Variants in SLC25A21 observed in about 807,000 individuals in gnomAD.
The protein encoded by SLC25A21 is solute carrier family 25 member 21.
In SLC25A21, 47 loss-of-function variants were observed where a neutral mutation model predicts 43.8. That is an observed-to-expected ratio of 1.07 (90% CI 0.85 to 1.37). The LOEUF (loss-of-function observed/expected upper bound fraction) is 1.37. SLC25A21 is among the 40% of genes most tolerant of loss of function. The pLI is 0.00. For missense variants in SLC25A21, 352 were observed against 350.2 expected (o/e 1.00, Z -0.04); for synonymous variants, 131 against 121.3 (o/e 1.08, Z -0.52).
At chr14:36,823,987 A>G (rs182784711) in intron 2 of SLC25A21, among the ~76,000 whole-genome samples, 6 of 152,060 alleles carry the variant, frequency 3.9e-5, no homozygotes, top group Admixed American at 3.9e-4. Flanking sequence ...ATCTGCTAGA[A>G]CCCTCTCACT....
intron 2 of SLC25A21, among the ~76,000 whole-genome samples, chr14:36,846,216 A>G (rs1195587272): frequency 6.6e-6 from 1 of 152,198 alleles, no homozygotes; most frequent in Non-Finnish European, 1.5e-5. Flanking sequence ...GAAAGAATCT[A>G]TAATTCCTTA....
chr14:36,870,113 T>C (rs1273271941), intron 2 of SLC25A21, among the ~76,000 whole-genome samples: 2 of 152,186 alleles, frequency 1.3e-5, no homozygotes, highest in African/African-American at 4.8e-5. Context: ...GTACTCAAAA[T>C]AATGCAAACA....
At chr14:37,136,724 TG>T (rs5807933) in intron 1 of SLC25A21, among the ~76,000 whole-genome samples, 80,161 of 151,854 alleles carry the variant, frequency 0.53, 24,137 homozygotes, top group Non-Finnish European at 0.66. Context: ...ATTCAGCAAT[TG>T]AAAAAAAATG....
intron 2 of SLC25A21, among the ~76,000 whole-genome samples, chr14:36,842,616 T>C (rs1889419327): frequency 6.6e-6 from 1 of 152,196 alleles, no homozygotes; most frequent in Non-Finnish European, 1.5e-5. Context: ...AACAACAATT[T>C]CTAACTTATA....
chr14:37,070,500 C>T (rs1406312404), intron 1 of SLC25A21, among the ~76,000 whole-genome samples: 1 of 152,108 alleles, frequency 6.6e-6, no homozygotes, highest in African/African-American at 2.4e-5. Flanking sequence ...ATTCACATCC[C>T]CTTTCTCAGT....
At position 37,040,382 on chromosome 14, in the gene SLC25A21, A is replaced by G. The variant is rs61009777; in HGVS notation, c.70+131899T>C. Among the ~76,000 whole-genome samples the G allele has an allele frequency of 2.5e-3, 139 of 55,014 alleles. 15 individuals carry two copies. The highest frequency in any genetic ancestry group is 9.8e-3 in the African/African-American group (47 of 4,780). 36.1% of individuals were successfully genotyped at this position (55,014 alleles called of 152,430 possible). On this transcript the variant is annotated intron_variant, in intron 1 of 9. Transcript: ENST00000331299. ...GAAAGAGAGAGAGAGAGAGAAAGAA[A>G]GAAAGAAAGAAAGAAAGAAAGAAAG...
At chr14:37,164,510 G>C (rs886065127) in intron 1 of SLC25A21, among the ~76,000 whole-genome samples, 1 of 152,022 alleles carries the variant, frequency 6.6e-6, no homozygotes, top group Non-Finnish European at 1.5e-5. Flanking sequence ...CAAATCACAC[G>C]TGCATCCCCT....
At chr14:36,781,125 G>A (rs186346747) in intron 3 of SLC25A21, among the ~76,000 whole-genome samples, 175 of 152,174 alleles carry the variant, frequency 1.1e-3, no homozygotes, top group African/African-American at 2.5e-3. Flanking sequence ...TATTTTGCCT[G>A]TATAAGGATA....
chr14:37,076,128 T>C (rs1962275571), intron 1 of SLC25A21, among the ~76,000 whole-genome samples: 1 of 152,220 alleles, frequency 6.6e-6, no homozygotes, highest in Non-Finnish European at 1.5e-5. Flanking sequence ...AGTCTTCATA[T>C]GTAGAGGCCA....
At chr14:36,876,835 A>G (rs1452153835) in intron 1 of SLC25A21, among the ~76,000 whole-genome samples, 3 of 151,114 alleles carry the variant, frequency 2.0e-5, no homozygotes, top group Non-Finnish European at 4.4e-5. Flanking sequence ...TGAAATATGT[A>G]TATATATGAA....
intron 1 of SLC25A21, among the ~76,000 whole-genome samples, chr14:36,971,104 C>A (rs1380787946): frequency 6.6e-6 from 1 of 152,128 alleles, no homozygotes; most frequent in Non-Finnish European, 1.5e-5. Flanking sequence ...GTGAGGCAAA[C>A]TGAAATGAAC....
At chr14:36,988,769 G>A (rs1296085639) in intron 1 of SLC25A21, among the ~76,000 whole-genome samples, 1 of 152,164 alleles carries the variant, frequency 6.6e-6, no homozygotes, top group African/African-American at 2.4e-5. Flanking sequence ...ACATTTAATG[G>A]ATAGTGTGGT....
chr14:36,977,607 G>A (rs1178939028), intron 1 of SLC25A21, among the ~76,000 whole-genome samples: 4 of 152,112 alleles, frequency 2.6e-5, no homozygotes, highest in Admixed American at 6.5e-5. Context: ...GGAGGAAGAT[G>A]TCACCACACC....
intron 4 of SLC25A21, among the ~76,000 whole-genome samples, chr14:36,733,216 G>A (rs1474647082): frequency 6.6e-6 from 1 of 152,172 alleles, no homozygotes; most frequent in Non-Finnish European, 1.5e-5. Flanking sequence ...TGCAGACAAA[G>A]TGACTTCCCT....
chr14:36,730,707 A>G (rs1884783487), intron 4 of SLC25A21, among the ~76,000 whole-genome samples: 1 of 152,198 alleles, frequency 6.6e-6, no homozygotes, highest in Non-Finnish European at 1.5e-5. Context: ...CTATGAATGT[A>G]GAGTTTTCTA....
At chr14:37,158,657 CT>C (rs1288561847) in intron 1 of SLC25A21, among the ~76,000 whole-genome samples, 2 of 152,246 alleles carry the variant, frequency 1.3e-5, no homozygotes, top group East Asian at 3.9e-4. Flanking sequence ...AGCCTTTCCT[CT>C]AAGAACCAGA....
intron 2 of SLC25A21, among the ~76,000 whole-genome samples, chr14:36,818,831 T>C (rs536603645): frequency 5.3e-5 from 8 of 152,222 alleles, no homozygotes; most frequent in Non-Finnish European, 1.2e-4. Flanking sequence ...AAGCTTTACA[T>C]CAGCATGTTC....
At chr14:36,842,817 A>G (rs1052963906) in intron 2 of SLC25A21, among the ~76,000 whole-genome samples, 1 of 152,126 alleles carries the variant, frequency 6.6e-6, no homozygotes, top group Non-Finnish European at 1.5e-5. Context: ...GGAAACTCAG[A>G]CTGGGGAGGC....
Position 36,761,911 on chromosome 14 carries a change from T to A in SLC25A21, c.204-27338A>T, listed in dbSNP as rs919063284. ...TTTAGTTTTTGTTCTTTTTCCTTCC[T>A]GCTGCCAGATTTCTGCTTATATTAT... On this transcript the variant is annotated intron_variant, in intron 3 of 9. Coordinates refer to ENST00000331299, the MANE Select transcript of SLC25A21 (RefSeq NM_030631.4). 1.4e-4 allele frequency among the ~76,000 whole-genome samples: 21 copies of A among 152,230 alleles called. 1 individual carries two copies. Among genetic ancestry groups the A allele is most frequent in the African/African-American group, 5.1e-4 (21 of 41,464 alleles).
Sources: gnomAD v4.1 joint callset for allele counts (sites outside exome capture counted in the v4.1 genomes callset) on GRCh38, gnomAD v4.1.1 for gene constraint, MANE v1.5 for transcripts, NCBI Gene and HGNC (gene_info 2026-07-23, HGNC 2026-07-21) for gene names.